The following ICE1 variants were observed in gnomAD, a reference collection of about 807,000 sequenced individuals.
ICE1 encodes the protein little elongation complex subunit 1.
A neutral mutation model predicts 192.7 loss-of-function variants in ICE1; 64 were observed. The observed-to-expected ratio is 0.33, with a 90% CI of 0.27 to 0.41. ICE1 has a LOEUF of 0.41. Among genes scored for constraint, ICE1 ranks in the 10% least tolerant of loss-of-function variants. The probability of loss-of-function intolerance (pLI) is 1.00; values close to 1 mark genes in which losing one functional copy is unlikely to be tolerated. For synonymous variants in ICE1, 1,010 were observed against 984.5 expected (o/e 1.03, Z -0.49); for missense variants, 2,708 against 2,696.0 (o/e 1.00, Z -0.10).
In ICE1 at chr5:5,437,105, A is replaced by T; in HGVS notation, c.169A>T (p.Lys57Ter). 1 of 1,535,566 alleles carries T rather than the reference A, an allele frequency of 6.5e-7. No individual in the cohort carries two copies. Among genetic ancestry groups the T allele is most frequent in the Non-Finnish European group, 8.9e-7 (1 of 1,126,558 alleles). ...TDNLLTEYQK[K>*]CDELQFARRE... ...TAATTTGTTAACAGAATATCAGAAG[A>T]AATGTGATGATATCCTTTTACTGGC... Residue 57 changes from lysine (K) to a stop codon, truncating the protein, a stop_gained, in exon 3 of 19, where the codon AAA becomes TAA. Coordinates refer to ENST00000296564, the MANE Select transcript of ICE1 (RefSeq NM_015325.3). LOFTEE classifies it high-confidence loss of function.
At chr5:5,466,220 C>A in intron 13 of ICE1, 114 bp from the exon 14 acceptor site, 2 of 895,028 alleles carry the variant, frequency 2.2e-6, no homozygotes, top group Admixed American at 3.5e-5. Flanking sequence ...TCTGATGTAG[C>A]GCAAGTTTTA....
chr5:5,455,581 G>A (rs2069114730), intron 11 of ICE1, among the ~76,000 whole-genome samples: 1 of 152,094 alleles, frequency 6.6e-6, no homozygotes, highest in African/African-American at 2.4e-5. Flanking sequence ...ATAATCTAAT[G>A]TTTGTATTTA....
At chr5:5,460,303 A>G (rs1738728769) in intron 12 of ICE1, 133 bp from the exon 13 acceptor site, 4 of 677,596 alleles carry the variant, frequency 5.9e-6, no homozygotes, top group African/African-American at 5.4e-5. Context: ...AGAGATTCCT[A>G]GCCTGCCCCT....
intron 15 of ICE1, among the ~76,000 whole-genome samples, chr5:5,470,096 T>C (rs930830235): frequency 6.6e-6 from 1 of 152,128 alleles, no homozygotes; most frequent in African/African-American, 2.4e-5. Flanking sequence ...CCCAGAGAGT[T>C]ACCTGCCTCG....
At chr5:5,429,257 C>A (rs959385886) in intron 1 of ICE1, among the ~76,000 whole-genome samples, 1 of 152,134 alleles carries the variant, frequency 6.6e-6, no homozygotes, top group Non-Finnish European at 1.5e-5. Context: ...AGATTCCAGA[C>A]CCCCACAAGG....
At chr5:5,436,955 A>G in intron 2 of ICE1, 125 bp from the exon 3 acceptor site, 1 of 654,940 alleles carries the variant, frequency 1.5e-6, no homozygotes, top group African/African-American at 1.8e-5. Flanking sequence ...TCATTAATTT[A>G]GCATGCATTT....
chr5:5,468,685 T>G (rs1739064702), intron 14 of ICE1, 143 bp from the exon 15 acceptor site: 1 of 481,000 alleles, frequency 2.1e-6, no homozygotes, highest in Middle Eastern at 5.4e-4. Flanking sequence ...GACTGGAGCC[T>G]CATCTGGGCT....
In ICE1 at chr5:5,476,082, A is replaced by G. The variant is rs774734074; in HGVS notation, c.6520+3A>G. The G allele has an allele frequency of 1.3e-6, 2 of 1,521,192 alleles. No homozygotes were observed. The highest frequency in any genetic ancestry group is 1.8e-6 in the Non-Finnish European group (2 of 1,114,340). 94.2% of individuals were successfully genotyped at this position (1,521,192 alleles called of 1,614,324 possible). A position where few individuals can be genotyped will look rare whatever the true frequency, so the allele number is the denominator to read the frequency against. ...AGCCTCAATACTGAGGCTGATTGGT[A>G]AGTTGTCTGTTTTATTATTGTTTTT... On this transcript the variant is annotated splice_donor_region_variant and intron_variant, in intron 17 of 18. Coordinates refer to ENST00000296564, the MANE Select transcript of ICE1 (RefSeq NM_015325.3).
intron 17 of ICE1, among the ~76,000 whole-genome samples, chr5:5,477,302 G>T (rs752882774): frequency 2.1e-4 from 32 of 152,020 alleles, no homozygotes; most frequent in Non-Finnish European, 3.8e-4. Flanking sequence ...ATGATAAAGG[G>T]GTTATCACCA....
At chr5:5,424,248 A>T (rs113793031) in intron 1 of ICE1, among the ~76,000 whole-genome samples, 1,836 of 152,164 alleles carry the variant, frequency 0.012, 24 homozygotes, top group Non-Finnish European at 0.022. Context: ...ATATCTGTGA[A>T]CTGATTGCAA....
Position 5,460,739 on chromosome 5 carries a change from C to A in ICE1, c.1405C>A (p.Arg469=). The change falls in exon 13 of 19, where the codon CGA becomes AGA. Residue 469 remains arginine, a synonymous_variant. Coordinates refer to ENST00000296564, the MANE Select transcript of ICE1 (RefSeq NM_015325.3). The part of the protein sequence containing the change: ...VGEKHWTTAS[R]SMSDRKRDIL... ...TGAAAAACACTGGACCACAGCATCT[C>A]GATCCATGAGTGATAGAAAAAGAGA... 1.2e-6 allele frequency: 2 copies of A among 1,613,924 alleles called. No homozygotes were observed. Among genetic ancestry groups the A allele is most frequent in the Non-Finnish European group, 1.7e-6 (2 of 1,179,886 alleles).
intron 1 of ICE1, among the ~76,000 whole-genome samples, chr5:5,428,985 C>CTG (rs1355217394): frequency 6.6e-6 from 1 of 152,094 alleles, no homozygotes; most frequent in Non-Finnish European, 1.5e-5. Context: ...ATACTCATGG[C>CTG]TGTGGTTTCT....
At chr5:5,431,980 A>G (rs728079) in intron 1 of ICE1, among the ~76,000 whole-genome samples, 7,841 of 150,570 alleles carry the variant, frequency 0.052, 654 homozygotes, top group East Asian at 0.35. Context: ...TATTTTCTGC[A>G]TCCTTTTTTT....
At chr5:5,455,904 C>CA (rs1429625966) in intron 11 of ICE1, among the ~76,000 whole-genome samples, 1 of 152,132 alleles carries the variant, frequency 6.6e-6, no homozygotes, top group African/African-American at 2.4e-5. Flanking sequence ...TACAGGAACC[C>CA]ACGTTGCCTT....
rs757210113 is a variant in ICE1, at chr5:5,441,220, A to G, written c.306A>G (p.Lys102=). 7 of 1,520,508 alleles carry G rather than the reference A, an allele frequency of 4.6e-6. No homozygotes were observed. Among genetic ancestry groups the G allele is most frequent in the South Asian group, 1.2e-5 (1 of 83,492 alleles). 94.2% of individuals were successfully genotyped at this position (1,520,508 alleles called of 1,614,324 possible). A position where few individuals can be genotyped will look rare whatever the true frequency, so the allele number is the denominator to read the frequency against. ...CTTTAAAAGCAGAGCTAGAAGAGAA[A>G]AAGGTATGAACAATAATTTTCTGTA... The part of the protein sequence containing the change: ...LGSLKAELEE[K]KSSLKLYQDT... Residue 102 remains lysine, a synonymous_variant, in exon 5 of 19, where the codon AAA becomes AAG. Coordinates refer to ENST00000296564, the MANE Select transcript of ICE1 (RefSeq NM_015325.3).
At chr5:5,460,053 G>A (rs570153395) in intron 12 of ICE1, among the ~76,000 whole-genome samples, 1 of 152,220 alleles carries the variant, frequency 6.6e-6, no homozygotes, top group African/African-American at 2.4e-5. Flanking sequence ...GGAAATAGAG[G>A]GCCGTGAAGC....
Position 5,461,018 on chromosome 5 carries a change from G to T in ICE1, c.1684G>T (p.Glu562Ter). ...TAAAATGATGGGATCGCCCAAATCA[G>T]AGTTTACTAAGTGGACACGAATTAA... The part of the protein sequence containing the change: ...LSKMMGSPKS[E>*]FTKWTRINEI... The change falls in exon 13 of 19, where the codon GAG becomes TAG. Residue 562 changes from glutamate to a stop codon, truncating the protein, a stop_gained. Transcript: ENST00000296564. LOFTEE classifies it high-confidence loss of function. 1 of 1,614,052 alleles carries T rather than the reference G, an allele frequency of 6.2e-7. No individual in the cohort carries two copies. Among genetic ancestry groups the T allele is most frequent in the Non-Finnish European group, 8.5e-7 (1 of 1,179,898 alleles).
chr5:5,472,912 C>T (rs1490223213), intron 15 of ICE1, among the ~76,000 whole-genome samples: 4 of 152,128 alleles, frequency 2.6e-5, no homozygotes, highest in African/African-American at 9.7e-5. Context: ...TAGGTATTTT[C>T]AAGAGAAGTG....
At chr5:5,453,948 C>T (rs1738507104) in intron 10 of ICE1, among the ~76,000 whole-genome samples, 2 of 152,118 alleles carry the variant, frequency 1.3e-5, no homozygotes, top group African/African-American at 4.8e-5. Context: ...GCTTCTCTGT[C>T]TGCTCGTGTG....
Sources: allele counts gnomAD v4.1 joint callset (sites outside exome capture counted in the v4.1 genomes callset), GRCh38; gene constraint gnomAD v4.1.1; transcripts MANE v1.5; gene names NCBI Gene and HGNC (gene_info 2026-07-23, HGNC 2026-07-21).